ATF2: variants seen among roughly 807,000 people sequenced by gnomAD.
The protein encoded by ATF2 is activating transcription factor 2.
In ATF2, 24 loss-of-function variants were observed where a neutral mutation model predicts 60.6. That is an observed-to-expected ratio of 0.40 (90% CI 0.29 to 0.56). The LOEUF is 0.56. Among genes scored for constraint, ATF2 ranks in the 20% least tolerant of loss-of-function variants. ATF2 has a pLI of 0.54. For synonymous variants in ATF2, 206 were observed against 215.4 expected (o/e 0.96, Z 0.38); for missense variants, 433 against 607.7 (o/e 0.71, Z 3.02).
At chr2:175,125,388 T>C (rs1012165856) in intron 4 of ATF2, among the ~76,000 whole-genome samples, 11 of 152,094 alleles carry the variant, frequency 7.2e-5, no homozygotes, top group African/African-American at 2.7e-4. Context: ...AAAGAGATTA[T>C]TTTAAGTATC....
At chr2:175,094,825 T>C (rs560879999) in intron 11 of ATF2, among the ~76,000 whole-genome samples, 7 of 152,196 alleles carry the variant, frequency 4.6e-5, no homozygotes, top group Non-Finnish European at 1.0e-4. Context: ...CTTGTGGTCC[T>C]AGTTACTCAA....
chr2:175,139,663 C>CAA (rs201481065), intron 2 of ATF2, among the ~76,000 whole-genome samples: 22 of 80,078 alleles, frequency 2.7e-4, no homozygotes, highest in African/African-American at 5.4e-4. Flanking sequence ...GACTCCATCT[C>CAA]AAAAAAAAAA....
intron 13 of ATF2, among the ~76,000 whole-genome samples, chr2:175,078,504 GTGAC>G (rs1201180639): frequency 6.6e-6 from 1 of 152,172 alleles, no homozygotes; most frequent in South Asian, 2.1e-4. Context: ...AACTGTTGGG[GTGAC>G]TAACTGTCAT....
chr2:175,144,577 AGT>A (rs1188389008), intron 2 of ATF2, among the ~76,000 whole-genome samples: 3 of 152,204 alleles, frequency 2.0e-5, no homozygotes, highest in African/African-American at 4.8e-5. Flanking sequence ...ACAAATATAG[AGT>A]GTCTGCACGG....
chr2:175,165,941 G>T (rs10439260), intron 1 of ATF2, among the ~76,000 whole-genome samples: 1 of 152,176 alleles, frequency 6.6e-6, no homozygotes, highest in African/African-American at 2.4e-5. Flanking sequence ...TGGCATTACA[G>T]GCATGAGCCA....
rs1172977168 is a variant in ATF2, at chr2:175,121,499, T to C, written c.144A>G (p.Lys48=). The change falls in exon 5 of 14, where the codon AAA becomes AAG. Residue 48 remains lysine, a synonymous_variant. Coordinates refer to ENST00000264110, the MANE Select transcript of ATF2 (RefSeq NM_001880.4). ...GACCAAATTTCAGTGTCATCTCATGTTTATGTTTATGGACAGCCAAATGAT... is the reference window on the plus strand; with the variant it reads ...GACCAAATTTCAGTGTCATCTCATGCTTATGTTTATGGACAGCCAAATGAT... ...NEDHLAVHKH[K]HEMTLKFGPA... is the part of the protein sequence containing the mutation. 1.2e-6 allele frequency: 2 copies of C among 1,605,196 alleles called. No individual in the cohort carries two copies. The highest frequency in any genetic ancestry group is 3.4e-5 in the Admixed American group (2 of 59,116).
At chr2:175,138,365 A>T (rs997612866) in intron 2 of ATF2, among the ~76,000 whole-genome samples, 8 of 152,192 alleles carry the variant, frequency 5.3e-5, no homozygotes, top group Admixed American at 2.0e-4. Context: ...GGCTTACATT[A>T]ACTAATCAAG....
At chr2:175,165,132 T>A (rs1232908189) in intron 1 of ATF2, among the ~76,000 whole-genome samples, 1 of 12,304 alleles carries the variant, frequency 8.1e-5, no homozygotes, top group East Asian at 0.014. Flanking sequence ...TAAGGTGGGA[T>A]TTTTTTTAGG....
chr2:175,141,204 T>C (rs1364680680), intron 2 of ATF2, among the ~76,000 whole-genome samples: 1 of 151,420 alleles, frequency 6.6e-6, no homozygotes, highest in African/African-American at 2.4e-5. Context: ...CATTCATAAA[T>C]GGTATCTGTC....
chr2:175,116,572 T>C (rs1696585157), intron 7 of ATF2, among the ~76,000 whole-genome samples: 1 of 151,918 alleles, frequency 6.6e-6, no homozygotes, highest in African/African-American at 2.4e-5. Context: ...GTCATCAGTA[T>C]GTAGATGTTT....
intron 10 of ATF2, among the ~76,000 whole-genome samples, chr2:175,098,595 G>A (rs1695099368): frequency 6.7e-6 from 1 of 149,954 alleles, no homozygotes; most frequent in Admixed American, 6.6e-5. Context: ...AGCCTACCCA[G>A]TGCTTCCCAA....
At chr2:175,091,557 T>C (rs1694548437) in intron 12 of ATF2, among the ~76,000 whole-genome samples, 1 of 152,184 alleles carries the variant, frequency 6.6e-6, no homozygotes, top group East Asian at 1.9e-4. Flanking sequence ...TGAAACATTC[T>C]GGATTAAAAA....
At chr2:175,141,015 AAAAAAAAAAAAAAAAAT>A (rs1361315182) in intron 2 of ATF2, among the ~76,000 whole-genome samples, 3 of 109,380 alleles carry the variant, frequency 2.7e-5, no homozygotes, top group African/African-American at 1.1e-4. Flanking sequence ...AAAAAAAAAA[AAAAAAAAAAAAAAAAAT>A]ATATATATAT....
chr2:175,126,220 C>T (rs183611963), intron 4 of ATF2, among the ~76,000 whole-genome samples: 26 of 152,216 alleles, frequency 1.7e-4, no homozygotes, highest in East Asian at 9.6e-4. Flanking sequence ...TTCTAACTTT[C>T]AAGATTCAAT....
chr2:175,161,886 G>A (rs908225049), intron 1 of ATF2, among the ~76,000 whole-genome samples: 5 of 151,764 alleles, frequency 3.3e-5, no homozygotes, highest in African/African-American at 9.7e-5. Flanking sequence ...TCAGTCTCCC[G>A]AGTAGCTGAG....
chr2:175,101,697 G>A (rs527636973), intron 10 of ATF2, among the ~76,000 whole-genome samples: 2 of 152,188 alleles, frequency 1.3e-5, no homozygotes, highest in African/African-American at 4.8e-5. Context: ...ACCTTATAAA[G>A]CACTTAAAAG....
At chr2:175,096,419 A>ATG (rs1694941315) in intron 11 of ATF2, among the ~76,000 whole-genome samples, 1 of 152,220 alleles carries the variant, frequency 6.6e-6, no homozygotes. Context: ...ATACCTACAT[A>ATG]TGTGTGTATA....
chr2:175,146,256 G>T (rs1200675423), intron 2 of ATF2, among the ~76,000 whole-genome samples: 3 of 152,268 alleles, frequency 2.0e-5, no homozygotes, highest in Middle Eastern at 3.4e-3. Flanking sequence ...AAACATTAAG[G>T]AACTGTTTCC....
intron 1 of ATF2, among the ~76,000 whole-genome samples, chr2:175,165,902 G>A (rs2105384736): frequency 6.6e-6 from 1 of 152,246 alleles, no homozygotes; most frequent in East Asian, 1.9e-4. Context: ...CTCACCTCAT[G>A]ATCCGCCCCA....
Sources: allele counts gnomAD v4.1 joint callset (sites outside exome capture counted in the v4.1 genomes callset), GRCh38; gene constraint gnomAD v4.1.1; transcripts MANE v1.5; gene names NCBI Gene and HGNC (gene_info 2026-07-23, HGNC 2026-07-21).